The following LARGE1 variants were observed in gnomAD, a reference collection of about 807,000 sequenced individuals.
The protein encoded by LARGE1 is xylosyl- and glucuronyltransferase LARGE1.
In LARGE1, 43 loss-of-function variants were observed where a neutral mutation model predicts 87.6. The observed-to-expected ratio is 0.49, with a 90% confidence interval of 0.38 to 0.63. The LOEUF (loss-of-function observed/expected upper bound fraction) is 0.63, where lower values mean the gene tolerates loss of function less well. LARGE1 is among the 30% of genes least tolerant of loss of function. The pLI is 0.00. For missense variants in LARGE1, 802 were observed against 1,000.2 expected (o/e 0.80, Z 2.67); for synonymous variants, 434 against 394.6 (o/e 1.10, Z -1.18).
At chr22:33,632,147 G>T (rs183051347) in intron 3 of LARGE1, among the ~76,000 whole-genome samples, 1 of 152,114 alleles carries the variant, frequency 6.6e-6, no homozygotes, top group African/African-American at 2.4e-5. Flanking sequence ...TTTTGAGACC[G>T]AGTCTCGATC....
chr22:33,736,853 G>A (rs761649050), intron 2 of LARGE1, among the ~76,000 whole-genome samples: 42 of 152,098 alleles, frequency 2.8e-4, no homozygotes, highest in Non-Finnish European at 5.1e-4. Context: ...TAACTCCCCC[G>A]ATCCCAAGCC....
At chr22:33,434,459 C>T (rs1601823424) in intron 6 of LARGE1, among the ~76,000 whole-genome samples, 1 of 152,136 alleles carries the variant, frequency 6.6e-6, no homozygotes, top group Admixed American at 6.6e-5. Flanking sequence ...CACCACCACA[C>T]CCAGTTAATT....
Position 33,488,193 on chromosome 22 carries a change from ATAAT to A in LARGE1, c.788-55932_788-55929del, listed in dbSNP as rs1296900357. On this transcript the variant is annotated intron_variant, in intron 6 of 14. Coordinates refer to ENST00000397394, the MANE Select transcript of LARGE1 (RefSeq NM_133642.5). ...GCCACATGTGGCAATTTAAATTTAA[ATAAT>A]TAATCAAACTCGGATTAAATTAAAA... is the stretch of plus-strand genomic sequence containing the variant. Among the ~76,000 whole-genome samples, 6 of 152,344 alleles carry A rather than the reference ATAAT, an allele frequency of 3.9e-5. No homozygotes were observed. In the East Asian group the frequency reaches 5.8e-4, roughly 15 times the overall value.
the LARGE1 span, among the ~76,000 whole-genome samples, chr22:33,114,563 A>G: frequency 6.6e-6 from 1 of 152,244 alleles, no homozygotes; most frequent in Non-Finnish European, 1.5e-5. Context: ...AAAAAAACTC[A>G]TCATCCAGAG....
chr22:33,881,056 ATT>A (rs35911972), intron 1 of LARGE1, among the ~76,000 whole-genome samples: 1 of 148,756 alleles, frequency 6.7e-6, no homozygotes, highest in Non-Finnish European at 1.5e-5. Context: ...AGCTTTTTTA[ATT>A]TTTTTTTTTT....
intron 6 of LARGE1, among the ~76,000 whole-genome samples, chr22:33,524,615 T>C (rs5998993): frequency 0.04 from 6,118 of 152,140 alleles, 209 homozygotes; most frequent in African/African-American, 0.094. Flanking sequence ...ATTTTCCTCC[T>C]GGAGGGTTTG....
chr22:33,094,475 C>G, the LARGE1 span, among the ~76,000 whole-genome samples: 1 of 152,224 alleles, frequency 6.6e-6, no homozygotes. Context: ...CCACCCTTAG[C>G]TACAGCCTTT....
chr22:33,118,819 T>C, the LARGE1 span, among the ~76,000 whole-genome samples: 1 of 152,218 alleles, frequency 6.6e-6, no homozygotes, highest in Non-Finnish European at 1.5e-5. Context: ...GGATCCATCT[T>C]TATAAGGTTT....
chr22:33,496,927 T>G (rs1602113532), intron 6 of LARGE1, among the ~76,000 whole-genome samples: 1 of 152,288 alleles, frequency 6.6e-6, no homozygotes, highest in South Asian at 2.1e-4. Context: ...TATTTTTGCT[T>G]TCTGTTTATT....
At chr22:33,687,634 C>A (rs1056338510) in intron 2 of LARGE1, among the ~76,000 whole-genome samples, 2 of 152,072 alleles carry the variant, frequency 1.3e-5, no homozygotes, top group South Asian at 4.1e-4. Context: ...GGCTGACACA[C>A]CCCAGCAGGT....
At chr22:33,206,104 G>A (rs940585053) in intron 11 of LARGE1, among the ~76,000 whole-genome samples, 10 of 151,898 alleles carry the variant, frequency 6.6e-5, no homozygotes, top group East Asian at 5.8e-4. Flanking sequence ...ACAGGCGCCC[G>A]CCACCACACC....
chr22:33,447,187 A>C (rs1357758992), intron 6 of LARGE1, among the ~76,000 whole-genome samples: 1 of 152,218 alleles, frequency 6.6e-6, no homozygotes, highest in African/African-American at 2.4e-5. Context: ...GAGCCACTGC[A>C]CCTGGCCCAG....
At chr22:33,217,814 C>T (rs1209111683) in intron 11 of LARGE1, among the ~76,000 whole-genome samples, 1 of 152,168 alleles carries the variant, frequency 6.6e-6, no homozygotes, top group Admixed American at 6.5e-5. Flanking sequence ...ACCAGGATCT[C>T]ACTGTGTTGC....
chr22:33,711,553 C>T (rs767167503), intron 2 of LARGE1, among the ~76,000 whole-genome samples: 1 of 152,204 alleles, frequency 6.6e-6, no homozygotes, highest in Non-Finnish European at 1.5e-5. Context: ...GGAAAACTGC[C>T]TGCTACCTAT....
At chr22:33,086,795 C>T in the LARGE1 span, among the ~76,000 whole-genome samples, 4 of 152,180 alleles carry the variant, frequency 2.6e-5, no homozygotes, top group Admixed American at 1.3e-4. Flanking sequence ...TTGTGATCAG[C>T]CTGCCTTGGC....
intron 9 of LARGE1, among the ~76,000 whole-genome samples, chr22:33,357,331 C>T (rs1362933383): frequency 6.7e-6 from 1 of 149,348 alleles, no homozygotes; most frequent in East Asian, 1.9e-4. Flanking sequence ...CATGGAATAA[C>T]AGACATTGGA....
chr22:33,699,575 A>G (rs1236273140), intron 2 of LARGE1, among the ~76,000 whole-genome samples: 1 of 152,246 alleles, frequency 6.6e-6, no homozygotes, highest in Admixed American at 6.5e-5. Flanking sequence ...GATGACACTG[A>G]GTTGAAAAAC....
intron 1 of LARGE1, among the ~76,000 whole-genome samples, chr22:33,790,192 C>G (rs1352088975): frequency 6.6e-6 from 1 of 152,168 alleles, no homozygotes; most frequent in East Asian, 1.9e-4. Flanking sequence ...GGGAGTTCCC[C>G]TGCACAACCT....
downstream of LARGE1, among the ~76,000 whole-genome samples, chr22:33,270,032 T>C (rs568065773): frequency 5.5e-4 from 83 of 149,580 alleles, no homozygotes; most frequent in African/African-American, 1.8e-3. Flanking sequence ...ACTATACGAA[T>C]GTGTTACAAC....
Sources: gnomAD v4.1 joint callset for allele counts (sites outside exome capture counted in the v4.1 genomes callset) on GRCh38, gnomAD v4.1.1 for gene constraint, MANE v1.5 for transcripts, NCBI Gene and HGNC (gene_info 2026-07-23, HGNC 2026-07-21) for gene names.